The following AKAP1 variants were observed in gnomAD, a reference collection of about 807,000 sequenced individuals.
The protein encoded by AKAP1 is A-kinase anchor protein 1, mitochondrial.
In AKAP1, 32 loss-of-function variants were observed where a neutral mutation model predicts 79.8. That is an observed-to-expected ratio of 0.40 (90% CI 0.30 to 0.54). AKAP1 has a LOEUF of 0.54. Ranked by LOEUF, AKAP1 falls within the 20% of genes least tolerant of loss-of-function variation. The pLI, the probability that AKAP1 is intolerant of heterozygous loss-of-function variation, is 0.47. For missense variants in AKAP1, 961 were observed against 1,138.9 expected (o/e 0.84, Z 2.25); for synonymous variants, 416 against 466.7 (o/e 0.89, Z 1.40).
chr17:57,106,706 G>A lies in AKAP1; in HGVS notation c.1242G>A (p.Pro414=), dbSNP rs370705433. 2.0e-5 allele frequency: 32 copies of A among 1,613,828 alleles called. No homozygotes were observed. Among genetic ancestry groups the A allele is most frequent in the Admixed American group, 1.8e-4 (11 of 60,006 alleles). Residue 414 remains proline (P), a synonymous_variant, in exon 2 of 11, where the codon CCG becomes CCA. Coordinates refer to ENST00000337714, the MANE Select transcript of AKAP1 (RefSeq NM_003488.4). The part of the protein sequence containing the change: ...EPATAEAAVA[P]PDAGLPLPGL... ...CCACAGCAGAGGCAGCTGTTGCCCC[G>A]CCGGATGCTGGCCTCCCCTTGCCAG...
intron 8 of AKAP1, among the ~76,000 whole-genome samples, chr17:57,117,840 T>C (rs1302243399): frequency 1.3e-5 from 2 of 152,174 alleles, no homozygotes; most frequent in African/African-American, 4.8e-5. Flanking sequence ...ATGTAACTTT[T>C]GTAATCCAGC....
At position 57,120,553 on chromosome 17, in the gene AKAP1, G is replaced by C. The variant is rs3095505; in HGVS notation, c.*229G>C. ...GTGTTTAACAAGCCAGCTGGCTTAT[G>C]CTGGTTCTCAGCTGTTTAAAAAAAA... On this transcript the variant is annotated 3_prime_UTR_variant, in exon 11 of 11. Coordinates refer to ENST00000337714, the MANE Select transcript of AKAP1 (RefSeq NM_003488.4). The C allele has an allele frequency of 0.86, 306,922 of 355,062 alleles. 133,707 individuals carry two copies. Among genetic ancestry groups the C allele is most frequent in the East Asian group, 1 (22,743 of 22,756 alleles). The allele number at this position is 355,062 out of a possible 1,614,324, so 22.0% of individuals were successfully genotyped here. A position where few individuals can be genotyped will look rare whatever the true frequency, so the allele number is the denominator to read the frequency against.
intron 1 of AKAP1, among the ~76,000 whole-genome samples, chr17:57,100,815 T>C (rs1914460954): frequency 6.6e-6 from 1 of 152,114 alleles, no homozygotes; most frequent in Non-Finnish European, 1.5e-5. Context: ...TTACTCTTTT[T>C]TTTTAAATTA....
intron 1 of AKAP1, chr17:57,095,485 T>A (rs55815892): frequency 7.2e-6 from 1 of 138,246 alleles, no homozygotes; most frequent in East Asian, 2.1e-4. Flanking sequence ...TTTTTTTTTT[T>A]CTTCTGCCCT....
At chr17:57,093,848 T>C (rs935588338) in intron 1 of AKAP1, 17 of 151,886 alleles carry the variant, frequency 1.1e-4, no homozygotes, top group Admixed American at 5.3e-4. Context: ...TAAGGATTAT[T>C]ATCTGATTTG....
At chr17:57,112,268 C>T (rs1915293974) in intron 4 of AKAP1, among the ~76,000 whole-genome samples, 1 of 152,170 alleles carries the variant, frequency 6.6e-6, no homozygotes, top group Non-Finnish European at 1.5e-5. Context: ...CTGCCTGCCT[C>T]TTCTGTTGCA....
In AKAP1 at chr17:57,105,902, G is replaced by C. The variant is rs371896745; in HGVS notation, c.438G>C (p.Glu146Asp). ...TGGEAKSIPL[E>D]CPLSSPKGVL... The stretch of plus-strand genomic sequence containing the variant: ...GTGAAGCCAAATCGATTCCTCTAGA[G>C]TGCCCCCTTTCATCCCCAAAGGGTG... Residue 146 changes from glutamate (E) to aspartate (D), a missense_variant, in exon 2 of 11, where the codon GAG becomes GAC. By Grantham distance (45) the Glu-to-Asp change is conservative. This residue lies in a region of AKAP1 where 224 missense variants were observed against 210.2 expected (regional missense o/e 1.07). Coordinates refer to ENST00000337714, the MANE Select transcript of AKAP1 (RefSeq NM_003488.4). The C allele has an allele frequency of 1.2e-6, 2 of 1,614,214 alleles. No homozygotes were observed. Among genetic ancestry groups the C allele is most frequent in the Admixed American group, 1.7e-5 (1 of 60,030 alleles).
chr17:57,112,754 C>T (rs77878135), intron 5 of AKAP1, 136 bp downstream of exon 5: 16,013 of 1,278,860 alleles, frequency 0.013, 139 homozygotes, highest in Non-Finnish European at 0.015. Flanking sequence ...CTGGCCTCTG[C>T]TGGTCGGTTC....
intron 1 of AKAP1, among the ~76,000 whole-genome samples, chr17:57,089,822 C>A (rs1913673751): frequency 6.6e-6 from 1 of 152,204 alleles, no homozygotes; most frequent in Non-Finnish European, 1.5e-5. Flanking sequence ...TGAGGACCTT[C>A]AGAAAGGACC....
At chr17:57,089,064 T>C (rs1221543075) in intron 1 of AKAP1, among the ~76,000 whole-genome samples, 4 of 152,246 alleles carry the variant, frequency 2.6e-5, no homozygotes, top group Non-Finnish European at 4.4e-5. Context: ...GCTGCAGCTC[T>C]CAGAGCTGAA....
chr17:57,090,556 GAAACT>G (rs1913726840), intron 1 of AKAP1, among the ~76,000 whole-genome samples: 3 of 151,042 alleles, frequency 2.0e-5, no homozygotes, highest in Admixed American at 2.0e-4. Context: ...CCTCATTCAG[GAAACT>G]AAACTGGGTT....
intron 5 of AKAP1, among the ~76,000 whole-genome samples, chr17:57,113,384 CCTT>C (rs1362982058): frequency 6.6e-6 from 1 of 151,518 alleles, no homozygotes; most frequent in Admixed American, 6.6e-5. Flanking sequence ...AAATTGTCCT[CCTT>C]CGTGTTTTTT....
Position 57,120,521 on chromosome 17 carries a change from A to C in AKAP1, c.*197A>C. On this transcript the variant is annotated 3_prime_UTR_variant, in exon 11 of 11. Transcript: ENST00000337714. ...ACTATGGGTTCTCTTCGCAAAGCCA[A>C]AGGATAGTGTTTAACAAGCCAGCTG... is the stretch of plus-strand genomic sequence containing the variant. The C allele has an allele frequency of 2.0e-6, 1 of 505,772 alleles. No individual in the cohort carries two copies. The highest frequency in any genetic ancestry group is 3.5e-6 in the Non-Finnish European group (1 of 288,000). 31.3% of individuals were successfully genotyped at this position (505,772 alleles called of 1,614,324 possible). A position where few individuals can be genotyped will look rare whatever the true frequency, so the allele number is the denominator to read the frequency against.
chr17:57,101,537 C>G (rs889290296), intron 1 of AKAP1: 1 of 151,674 alleles, frequency 6.6e-6, no homozygotes, highest in Non-Finnish European at 1.5e-5. Context: ...TTGTAATCAC[C>G]TTGGTTTTAA....
chr17:57,113,465 C>T (rs1446623414), intron 5 of AKAP1, among the ~76,000 whole-genome samples: 2 of 151,898 alleles, frequency 1.3e-5, no homozygotes, highest in Non-Finnish European at 2.9e-5. Flanking sequence ...TGCAAAGGCC[C>T]TTGGGCTGGA....
In AKAP1 at chr17:57,106,067, G is replaced by A; in HGVS notation, c.603G>A (p.Gly201=). Residue 201 remains glycine, a synonymous_variant, in exon 2 of 11, where the codon GGG becomes GGA. Transcript: ENST00000337714. Reference sequence around the variant, plus strand: ...GGGAGAGGGCAAGAGAGACAGGTGGGGCCGAAGGGACTGGTGATGCCGTGT... The same window carrying A: ...GGGAGAGGGCAAGAGAGACAGGTGGAGCCGAAGGGACTGGTGATGCCGTGT... ...SSGERARETG[G]AEGTGDAVLG... The A allele has an allele frequency of 1.2e-6, 2 of 1,609,544 alleles. No homozygotes were observed. Among genetic ancestry groups the A allele is most frequent in the Non-Finnish European group, 1.7e-6 (2 of 1,177,406 alleles).
chr17:57,114,651 G>C lies in AKAP1; in HGVS notation c.2281+15G>C. The C allele has an allele frequency of 6.2e-7, 1 of 1,607,874 alleles. No individual in the cohort carries two copies. Among genetic ancestry groups the C allele is most frequent in the Non-Finnish European group, 8.5e-7 (1 of 1,176,988 alleles). ...CCCAGTGGAAAGTAAGCAGTGCCCTGAGGGGTCGGGAAGGGGGACCCCTGG... is the reference window on the plus strand; with the variant it reads ...CCCAGTGGAAAGTAAGCAGTGCCCTCAGGGGTCGGGAAGGGGGACCCCTGG... On this transcript the variant is annotated intron_variant, in intron 6 of 10. Transcript: ENST00000337714.
In AKAP1 at chr17:57,086,342, C is replaced by T. The variant is rs78569193; in HGVS notation, c.-25+944C>T. 74 of 440,440 alleles carry T rather than the reference C, an allele frequency of 1.7e-4. No homozygotes were observed. The highest frequency in any genetic ancestry group is 3.2e-4 in the Non-Finnish European group (70 of 221,084). 27.3% of individuals were successfully genotyped at this position (440,440 alleles called of 1,614,324 possible). A position where few individuals can be genotyped will look rare whatever the true frequency, so the allele number is the denominator to read the frequency against. The stretch of plus-strand genomic sequence containing the variant: ...TTCTGGCGTTCAACTCTTTTGTGCC[C>T]TAGCTGAAGGTCTTCCTGTTTCCCT... On this transcript the variant is annotated intron_variant, in intron 1 of 10. Coordinates refer to ENST00000337714, the MANE Select transcript of AKAP1 (RefSeq NM_003488.4). This position sits in a 1 kb window ranked among gnomAD's most constrained non-coding sequence, Gnocchi z 5.1.
At chr17:57,118,092 G>A (rs1417479890) in intron 8 of AKAP1, among the ~76,000 whole-genome samples, 2 of 152,138 alleles carry the variant, frequency 1.3e-5, no homozygotes, top group Admixed American at 6.5e-5. Context: ...GGTGGGGGTG[G>A]TGCTGCTGCT....
Sources: allele counts gnomAD v4.1 joint callset (sites outside exome capture counted in the v4.1 genomes callset), GRCh38; gene constraint gnomAD v4.1.1; regional missense constraint gnomAD v4.1.1; non-coding constraint Gnocchi (gnomAD v3.1); transcripts MANE v1.5; gene names NCBI Gene and HGNC (gene_info 2026-07-23, HGNC 2026-07-21).